The following TBC1D22A variants were observed in gnomAD, a reference collection of about 807,000 sequenced individuals.
TBC1D22A encodes TBC1 domain family member 22A.
Under a neutral mutation model 60.2 loss-of-function variants are expected in TBC1D22A, and 38 were observed. The ratio of observed to expected loss-of-function variants is 0.63; its 90% CI spans 0.49 to 0.83. The LOEUF (loss-of-function observed/expected upper bound fraction) is 0.83, where lower values mean the gene tolerates loss of function less well. Among genes scored for constraint, TBC1D22A ranks in the 40% least tolerant of loss-of-function variants. The pLI, the probability that TBC1D22A is intolerant of heterozygous loss-of-function variation, is 0.00. For missense variants in TBC1D22A, 628 were observed against 701.0 expected (o/e 0.90, Z 1.18); for synonymous variants, 302 against 281.7 (o/e 1.07, Z -0.72).
At chr22:47,007,430 G>C (rs1457348892) in intron 10 of TBC1D22A, among the ~76,000 whole-genome samples, 1 of 152,216 alleles carries the variant, frequency 6.6e-6, no homozygotes, top group Non-Finnish European at 1.5e-5. Context: ...AGAGCACATG[G>C]GAGAGGCAGA....
intron 8 of TBC1D22A, among the ~76,000 whole-genome samples, chr22:46,955,610 A>G (rs1363752762): frequency 6.6e-6 from 1 of 152,270 alleles, no homozygotes; most frequent in Non-Finnish European, 1.5e-5. Flanking sequence ...GACATGTTAC[A>G]AAGTAGGAAA....
chr22:46,946,494 G>A (rs1206140820), intron 8 of TBC1D22A, among the ~76,000 whole-genome samples: 1 of 152,130 alleles, frequency 6.6e-6, no homozygotes, highest in Non-Finnish European at 1.5e-5. Flanking sequence ...CCTGAGGCCG[G>A]CCAGCCAGAT....
chr22:46,805,655 T>G (rs1374656428), intron 4 of TBC1D22A, among the ~76,000 whole-genome samples: 3 of 152,018 alleles, frequency 2.0e-5, no homozygotes, highest in East Asian at 3.9e-4. Flanking sequence ...CAAGGATGTG[T>G]CTCCTGTGGG....
At chr22:47,033,297 G>C (rs115672734) in intron 10 of TBC1D22A, among the ~76,000 whole-genome samples, 1,916 of 152,302 alleles carry the variant, frequency 0.013, 40 homozygotes, top group African/African-American at 0.043. Flanking sequence ...GGTTAGAAAT[G>C]ATTCTGTAAG....
At chr22:47,018,483 G>C (rs140393901) in intron 10 of TBC1D22A, among the ~76,000 whole-genome samples, 4 of 152,126 alleles carry the variant, frequency 2.6e-5, no homozygotes, top group Non-Finnish European at 4.4e-5. Context: ...TCTGCCTGCC[G>C]TTCGGCTCGG....
At chr22:46,936,709 C>G (rs2071679516) in intron 8 of TBC1D22A, among the ~76,000 whole-genome samples, 1 of 152,254 alleles carries the variant, frequency 6.6e-6, no homozygotes, top group Non-Finnish European at 1.5e-5. Flanking sequence ...GAGCCTCACT[C>G]TGCGAGGACA....
chr22:46,948,831 A>G (rs1186597909), intron 8 of TBC1D22A, among the ~76,000 whole-genome samples: 1 of 152,254 alleles, frequency 6.6e-6, no homozygotes, highest in Admixed American at 6.5e-5. Flanking sequence ...AAACAGAAAC[A>G]TGCTACCGAA....
intron 9 of TBC1D22A, among the ~76,000 whole-genome samples, chr22:46,984,115 C>T (rs561813766): frequency 4.6e-5 from 7 of 151,100 alleles, no homozygotes; most frequent in Admixed American, 1.3e-4. Flanking sequence ...GCCTGTAATC[C>T]CAGCACTTTG....
At chr22:46,804,838 CTT>C (rs1392124947) in intron 4 of TBC1D22A, among the ~76,000 whole-genome samples, 7 of 152,082 alleles carry the variant, frequency 4.6e-5, no homozygotes, top group Non-Finnish European at 8.8e-5. Context: ...GTTTGTAAGT[CTT>C]TGGTATGGTT....
intron 11 of TBC1D22A, among the ~76,000 whole-genome samples, chr22:47,080,495 A>G (rs987682087): frequency 3.3e-5 from 5 of 152,206 alleles, no homozygotes; most frequent in East Asian, 1.9e-4. Context: ...CTTTTAAATA[A>G]TCCGCGATTC....
intron 4 of TBC1D22A, among the ~76,000 whole-genome samples, chr22:46,828,948 C>T (rs144268329): frequency 1.7e-4 from 26 of 152,276 alleles, no homozygotes; most frequent in African/African-American, 6.3e-4. Flanking sequence ...TCTATATTGT[C>T]TGTTTCAGAT....
chr22:46,925,267 T>C (rs924018355), intron 8 of TBC1D22A, among the ~76,000 whole-genome samples: 1 of 152,210 alleles, frequency 6.6e-6, no homozygotes, highest in Non-Finnish European at 1.5e-5. Context: ...CTCGGAAACA[T>C]TGAAAGGTAA....
chr22:46,962,009 G>C (rs763804554), intron 8 of TBC1D22A, among the ~76,000 whole-genome samples: 4 of 152,244 alleles, frequency 2.6e-5, no homozygotes, highest in Non-Finnish European at 4.4e-5. Context: ...TTCGTCAGTG[G>C]CAGGTGGTTG....
intron 12 of TBC1D22A, among the ~76,000 whole-genome samples, chr22:47,164,059 C>G (rs916941279): frequency 9.2e-5 from 14 of 152,256 alleles, no homozygotes; most frequent in Non-Finnish European, 1.6e-4. Flanking sequence ...AGCCCTGTGT[C>G]TCTGACGCTG....
intron 12 of TBC1D22A, among the ~76,000 whole-genome samples, chr22:47,138,837 A>G (rs1396863866): frequency 6.6e-6 from 1 of 152,052 alleles, no homozygotes; most frequent in East Asian, 1.9e-4. Flanking sequence ...CACACGGTGG[A>G]ACAGGGAGGG....
chr22:47,042,615 C>T (rs764920401), intron 11 of TBC1D22A, among the ~76,000 whole-genome samples: 4 of 152,196 alleles, frequency 2.6e-5, no homozygotes, highest in Non-Finnish European at 5.9e-5. Flanking sequence ...GGACACCAGT[C>T]GTGCCAGCCA....
At chr22:47,000,339 A>G (rs59737414) in intron 10 of TBC1D22A, among the ~76,000 whole-genome samples, 2,354 of 152,210 alleles carry the variant, frequency 0.015, 59 homozygotes, top group African/African-American at 0.053. Flanking sequence ...AGATCGGAAG[A>G]GGGGCTGCAT....
At chr22:46,859,051 C>T (rs1374519218) in intron 4 of TBC1D22A, among the ~76,000 whole-genome samples, 23 of 141,196 alleles carry the variant, frequency 1.6e-4, no homozygotes, top group South Asian at 6.8e-4. Context: ...TGCCCCTTCC[C>T]GGGACCAGAA....
intron 7 of TBC1D22A, among the ~76,000 whole-genome samples, chr22:46,895,870 G>C (rs187160262): frequency 1.3e-4 from 20 of 152,266 alleles, no homozygotes; most frequent in Admixed American, 3.9e-4. Flanking sequence ...ATTTCTCTAA[G>C]GCTTTTACAA....
Sources: allele counts gnomAD v4.1 joint callset (sites outside exome capture counted in the v4.1 genomes callset), GRCh38; gene constraint gnomAD v4.1.1; transcripts MANE v1.5; gene names NCBI Gene and HGNC (gene_info 2026-07-23, HGNC 2026-07-21).